GRIA1: variants seen among roughly 807,000 people sequenced by gnomAD.
The protein encoded by GRIA1 is glutamate ionotropic receptor AMPA type subunit 1, also known as glutamate receptor 1.
GRIA1 carries 31 observed loss-of-function variants against 99.2 expected under a neutral mutation model. The observed-to-expected ratio is 0.31, with a 90% CI of 0.23 to 0.42. The LOEUF is 0.42. Ranked by LOEUF, GRIA1 falls within the 10% of genes least tolerant of loss-of-function variation. The pLI is 1.00. For synonymous variants in GRIA1, 438 were observed against 432.4 expected, an observed-to-expected ratio of 1.01 and a Z score of -0.16; for missense variants, 782 against 1,157.5, an observed-to-expected ratio of 0.68 and a Z score of 4.71.
At chr5:153,633,757 C>A (rs1017376725) in intron 2 of GRIA1, among the ~76,000 whole-genome samples, 2 of 152,136 alleles carry the variant, frequency 1.3e-5, no homozygotes, top group South Asian at 4.1e-4. Flanking sequence ...ATATAAAGAA[C>A]CTGCAGCTAA....
rs559467380 is a variant in GRIA1 at position 153,716,336 on chromosome 5, A to G, written c.1823+10269A>G. On this transcript the variant is annotated intron_variant, in intron 11 of 15. Transcript: ENST00000285900. The stretch of plus-strand genomic sequence containing the variant: ...CTAATACCCATGATTTATCCTTGAC[A>G]CACAGCTGTCTTCCAAGACCAACAA... Among the ~76,000 whole-genome samples, 3 of 152,330 alleles carry G rather than the reference A, an allele frequency of 2.0e-5. No individual in the cohort carries two copies. The East Asian group carries it at 5.8e-4, about 29-fold the overall frequency.
chr5:153,494,378 A>C, intron 2 of GRIA1: 2 of 301,828 alleles, frequency 6.6e-6, no homozygotes, highest in South Asian at 1.1e-4. Flanking sequence ...AGAGTTTTAC[A>C]CATACGAATC....
intron 11 of GRIA1, among the ~76,000 whole-genome samples, chr5:153,753,569 C>T (rs947638657): frequency 6.6e-6 from 1 of 152,098 alleles, no homozygotes; most frequent in Non-Finnish European, 1.5e-5. Context: ...CTTAGGTCTC[C>T]GAATTATAGT....
chr5:153,546,521 G>A (rs996355884), intron 2 of GRIA1, among the ~76,000 whole-genome samples: 2 of 152,162 alleles, frequency 1.3e-5, no homozygotes, highest in Non-Finnish European at 2.9e-5. Flanking sequence ...CACAGCAGCA[G>A]CCATTCACTG....
intron 15 of GRIA1, among the ~76,000 whole-genome samples, 181 bp from the exon 16 acceptor site, chr5:153,810,844 A>T (rs1340320467): frequency 6.6e-6 from 1 of 152,242 alleles, no homozygotes; most frequent in Non-Finnish European, 1.5e-5. Context: ...GGGATCAGAC[A>T]TGTCCAGAGC....
chr5:153,492,165 G>A, intron 1 of GRIA1: 1 of 1,503,848 alleles, frequency 6.6e-7, no homozygotes, highest in Non-Finnish European at 8.9e-7. Context: ...GTTTGAGGGG[G>A]GATGTGGTGC....
At chr5:153,673,785 G>A (rs1403320802) in intron 5 of GRIA1, among the ~76,000 whole-genome samples, 6 of 152,142 alleles carry the variant, frequency 3.9e-5, no homozygotes, top group South Asian at 2.1e-4. Context: ...TTTTACAGTC[G>A]AAGCCTTCTT....
In GRIA1 at chr5:153,745,606, A is replaced by G. The variant is rs566599664; in HGVS notation, c.1824-18828A>G. On this transcript the variant is annotated intron_variant, in intron 11 of 15. Coordinates refer to ENST00000285900, the MANE Select transcript of GRIA1 (RefSeq NM_000827.4). Reference sequence around the variant, plus strand: ...CTCTGTCTCAAAAAAAAAAAAAAAAAAAAAAAGAAAAGAAAAAGAAATTAT... The same window carrying G: ...CTCTGTCTCAAAAAAAAAAAAAAAAGAAAAAAGAAAAGAAAAAGAAATTAT... Among the ~76,000 whole-genome samples the G allele has an allele frequency of 2.7e-3, 393 of 147,614 alleles. 4 individuals carry two copies. The highest frequency in any genetic ancestry group is 9.6e-3 in the African/African-American group (377 of 39,410).
rs868529916 is a variant in GRIA1, at chr5:153,794,654, C to T, written c.2304C>T (p.Asn768=). 8.7e-6 allele frequency: 14 copies of T among 1,613,018 alleles called. No individual in the cohort carries two copies. The Admixed American group carries it at 1.2e-4, about 13-fold the overall frequency. The change falls in exon 14 of 16, where the codon AAC becomes AAT. Residue 768 remains asparagine (N), a synonymous_variant. Transcript: ENST00000285900. ...TAAACCTGGCAGTGTTAAAACTGAA[C>T]GAGCAGGGGCTTTTGGACAAATTGA... ...NPVNLAVLKL[N]EQGLLDKLKN...
chr5:153,668,868 C>T (rs992354798), intron 5 of GRIA1, among the ~76,000 whole-genome samples: 5 of 152,254 alleles, frequency 3.3e-5, no homozygotes. Flanking sequence ...CTGTGCCAGC[C>T]ACAGTCTGAG....
At chr5:153,593,561 GTTTT>G (rs1289951065) in intron 2 of GRIA1, among the ~76,000 whole-genome samples, 3 of 151,958 alleles carry the variant, frequency 2.0e-5, no homozygotes, top group Non-Finnish European at 4.4e-5. Flanking sequence ...CTGCTTTATT[GTTTT>G]TTGTTTGTTT....
intron 11 of GRIA1, among the ~76,000 whole-genome samples, chr5:153,727,955 A>C (rs1581551008): frequency 6.6e-6 from 1 of 151,854 alleles, no homozygotes; most frequent in Non-Finnish European, 1.5e-5. Flanking sequence ...ACAAAGCTGG[A>C]GGCATCACGC....
At chr5:153,558,276 T>G (rs1293996070) in intron 2 of GRIA1, among the ~76,000 whole-genome samples, 3 of 152,212 alleles carry the variant, frequency 2.0e-5, no homozygotes, top group Non-Finnish European at 4.4e-5. Context: ...TTCACTCCTT[T>G]TATACAGTTC....
At chr5:153,559,211 G>A (rs1348140660) in intron 2 of GRIA1, among the ~76,000 whole-genome samples, 3 of 152,170 alleles carry the variant, frequency 2.0e-5, no homozygotes, top group Admixed American at 6.5e-5. Flanking sequence ...GCCCTCCAAG[G>A]AAGCATCATT....
At chr5:153,649,243 C>A (rs1754371422) in intron 3 of GRIA1, among the ~76,000 whole-genome samples, 1 of 152,178 alleles carries the variant, frequency 6.6e-6, no homozygotes, top group African/African-American at 2.4e-5. Flanking sequence ...CATCTTACCT[C>A]AAGAACTGTA....
chr5:153,784,268 G>T (rs1305708379), intron 13 of GRIA1, among the ~76,000 whole-genome samples: 2 of 152,042 alleles, frequency 1.3e-5, no homozygotes, highest in Non-Finnish European at 2.9e-5. Context: ...GGGACAGCTG[G>T]TTACCCTAGC....
intron 10 of GRIA1, 108 bp from the exon 11 acceptor site, chr5:153,705,589 C>T (rs1262737848): frequency 1.5e-6 from 2 of 1,377,910 alleles, no homozygotes; most frequent in Non-Finnish European, 1.9e-6. Context: ...CTCTCATATC[C>T]TTTAAGACAC....
intron 10 of GRIA1, among the ~76,000 whole-genome samples, chr5:153,702,393 G>A (rs529167175): frequency 1.3e-5 from 2 of 152,206 alleles, no homozygotes; most frequent in East Asian, 1.9e-4. Flanking sequence ...CGACTTTTCC[G>A]GGGCCACCCC....
chr5:153,534,881 C>T (rs186242743), intron 2 of GRIA1, among the ~76,000 whole-genome samples: 32 of 151,346 alleles, frequency 2.1e-4, no homozygotes, highest in Non-Finnish European at 3.7e-4. Context: ...ACACGGTAAC[C>T]TTCTAGAGAG....
Sources: gnomAD v4.1 joint callset for allele counts (sites outside exome capture counted in the v4.1 genomes callset) on GRCh38, gnomAD v4.1.1 for gene constraint, MANE v1.5 for transcripts, NCBI Gene and HGNC (gene_info 2026-07-23, HGNC 2026-07-21) for gene names.